The following CDC42EP1 variants were observed in gnomAD, a reference collection of about 807,000 sequenced individuals.
The protein encoded by CDC42EP1 is CDC42 effector protein 1, also known as 55 kDa bone marrow stromal/endothelial cell protein.
Under a neutral mutation model 7.4 loss-of-function variants are expected in CDC42EP1, and 6 were observed. The observed-to-expected ratio is 0.81, with a 90% CI of 0.44 to 1.60. CDC42EP1 has a LOEUF of 1.60. CDC42EP1 is among the 40% of genes most tolerant of loss of function. The pLI, the probability that CDC42EP1 is intolerant of heterozygous loss-of-function variation, is 0.01. For synonymous variants in CDC42EP1, 238 were observed against 227.1 expected (o/e 1.05, Z -0.43); for missense variants, 567 against 539.0 (o/e 1.05, Z -0.51).
intron 2 of CDC42EP1, among the ~76,000 whole-genome samples, chr22:37,567,495 G>A (rs1601455549): frequency 6.6e-6 from 1 of 152,118 alleles, no homozygotes; most frequent in East Asian, 1.9e-4. Flanking sequence ...GCCACCTGGT[G>A]GCCACTCCCT....
At position 37,566,416 on chromosome 22, in the gene CDC42EP1, T is replaced by C. The variant is rs1381926132; in HGVS notation, c.67T>C (p.Trp23Arg). 6.2e-7 allele frequency: 1 copy of C among 1,604,888 alleles called. No homozygotes were observed. Among genetic ancestry groups the C allele is most frequent in the Non-Finnish European group, 8.5e-7 (1 of 1,175,548 alleles). The change falls in exon 2 of 3, where the codon TGG becomes CGG. Residue 23 changes from tryptophan (W) to arginine (R), a missense_variant. Physicochemically the swap from Trp to Arg is moderately radical, Grantham distance 101 (BLOSUM62 -3). Coordinates refer to ENST00000249014, the MANE Select transcript of CDC42EP1 (RefSeq NM_152243.3). The surrounding 1 kb of genome is among the most constrained non-coding windows in gnomAD (Gnocchi z 6.4). ...CCTGGGCAAGCTCTCGCCTGTGGGC[T>C]GGGTGTCCAGTTCACAGGGAAAGAG... ...MSLGKLSPVG[W>R]VSSSQGKRRL...
intron 1 of CDC42EP1, among the ~76,000 whole-genome samples, chr22:37,560,903 T>A (rs1176875958): frequency 6.7e-6 from 1 of 149,782 alleles, no homozygotes; most frequent in Non-Finnish European, 1.5e-5. Flanking sequence ...CTCCGCGCCT[T>A]CCTGCGCGGG....
In CDC42EP1 at chr22:37,568,259, A is replaced by T. The variant is rs1267901236; in HGVS notation, c.615A>T (p.Ser205=). The T allele has an allele frequency of 6.2e-7, 1 of 1,612,194 alleles. No individual in the cohort carries two copies. Among genetic ancestry groups the T allele is most frequent in the African/African-American group, 1.3e-5 (1 of 74,442 alleles). Reference sequence around the variant, plus strand: ...GCCTGGACCTCGACCTTGGGCCCTCACTCCTCAGCGAGCTGCTAGGGGTCA... The same window carrying T: ...GCCTGGACCTCGACCTTGGGCCCTCTCTCCTCAGCGAGCTGCTAGGGGTCA... ...SFRLDLDLGP[S]LLSELLGVMS... Residue 205 remains serine (S), a synonymous_variant, in exon 3 of 3, where the codon TCA becomes TCT. Coordinates refer to ENST00000249014, the MANE Select transcript of CDC42EP1 (RefSeq NM_152243.3).
Position 37,566,823 on chromosome 22 carries a change from G to A in CDC42EP1, c.463+11G>A. Reference sequence around the variant, plus strand: ...GCCACTCCAGCTACGGTGAGGGCCTGGGCCATCTTGGCCCACTTTTCAGAG... The same window carrying A: ...GCCACTCCAGCTACGGTGAGGGCCTAGGCCATCTTGGCCCACTTTTCAGAG... On this transcript the variant is annotated intron_variant, in intron 2 of 2. Transcript: ENST00000249014. This position sits in a 1 kb window ranked among gnomAD's most constrained non-coding sequence, Gnocchi z 6.4. The A allele has an allele frequency of 4.6e-6, 7 of 1,531,436 alleles. No homozygotes were observed. The highest frequency in any genetic ancestry group is 6.1e-6 in the Non-Finnish European group (7 of 1,141,010). The allele number at this position is 1,531,436 out of a possible 1,614,324, so 94.9% of individuals were successfully genotyped here.
rs1925242559 is a variant in CDC42EP1, at chr22:37,566,442, G to A, written c.93G>A (p.Arg31=). ...GGGTGTCCAGTTCACAGGGAAAGAG[G>A]CGGCTGACTGCAGACATGATCAGCC... is the stretch of plus-strand genomic sequence containing the variant. ...VGWVSSSQGK[R]RLTADMISHP... The change falls in exon 2 of 3, where the codon AGG becomes AGA. Residue 31 remains arginine (R), a synonymous_variant. Transcript: ENST00000249014. The surrounding 1 kb of genome is among the most constrained non-coding windows in gnomAD (Gnocchi z 6.4). The A allele has an allele frequency of 1.9e-6, 3 of 1,611,058 alleles. No homozygotes were observed. Among genetic ancestry groups the A allele is most frequent in the Non-Finnish European group, 2.5e-6 (3 of 1,178,820 alleles).
Position 37,566,287 on chromosome 22 carries a change from A to G in CDC42EP1, c.-63A>G. On this transcript the variant is annotated 5_prime_UTR_variant, in exon 2 of 3. Coordinates refer to ENST00000249014, the MANE Select transcript of CDC42EP1 (RefSeq NM_152243.3). The surrounding 1 kb of genome is among the most constrained non-coding windows in gnomAD (Gnocchi z 6.4). The stretch of plus-strand genomic sequence containing the variant: ...GGAGCTGAGCAGCCATCCCAAGCCC[A>G]GCCCACCTCCCTCCCCCGGCCCCTG... The G allele has an allele frequency of 1.4e-6, 1 of 734,714 alleles. No individual in the cohort carries two copies. 45.5% of individuals were successfully genotyped at this position (734,714 alleles called of 1,614,324 possible).
In CDC42EP1 at chr22:37,568,995, T is replaced by G; in HGVS notation, c.*175T>G. 2.3e-6 allele frequency: 1 copy of G among 436,876 alleles called. No individual in the cohort carries two copies. Among genetic ancestry groups the G allele is most frequent in the Non-Finnish European group, 3.9e-6 (1 of 253,194 alleles). 27.1% of individuals were successfully genotyped at this position (436,876 alleles called of 1,614,324 possible). On this transcript the variant is annotated 3_prime_UTR_variant, in exon 3 of 3. Transcript: ENST00000249014. Reference sequence around the variant, plus strand: ...GGAAGGCCAGGCTTGCTCTGGGACTTTTATGCTCCCAGAGGCCCTGCCAAA... The same window carrying G: ...GGAAGGCCAGGCTTGCTCTGGGACTGTTATGCTCCCAGAGGCCCTGCCAAA...
Position 37,569,157 on chromosome 22 carries a change from G to A in CDC42EP1, c.*337G>A, listed in dbSNP as rs1274957294. 1.9e-5 allele frequency: 4 copies of A among 205,840 alleles called. No individual in the cohort carries two copies. The highest frequency in any genetic ancestry group is 3.9e-5 in the Non-Finnish European group (4 of 103,712). 12.8% of individuals were successfully genotyped at this position (205,840 alleles called of 1,614,324 possible). On this transcript the variant is annotated 3_prime_UTR_variant, in exon 3 of 3. Transcript: ENST00000249014. ...AGACCAAGCGGCCCGTGGGGGGTGG[G>A]GGGCAGGGAGTGTACCACACAGGGC...
intron 1 of CDC42EP1, among the ~76,000 whole-genome samples, 176 bp downstream of exon 1, chr22:37,560,764 G>A (rs2145805599): frequency 6.6e-6 from 1 of 152,020 alleles, no homozygotes; most frequent in East Asian, 2.0e-4. Context: ...GCGGAGCCGC[G>A]CGAGGAAACT....
Position 37,568,137 on chromosome 22 carries a change from C to T in CDC42EP1, c.493C>T (p.Arg165Cys), listed in dbSNP as rs1257159070. 7 of 1,613,756 alleles carry T rather than the reference C, an allele frequency of 4.3e-6. No individual in the cohort carries two copies. In the East Asian group the frequency reaches 6.7e-5, roughly 15 times the overall value. ...GLDSGFCTISRLPRSEKPHDR... is the reference protein window; with the variant it reads ...GLDSGFCTISCLPRSEKPHDR... ...GGACTCTGGGTTCTGCACCATCTCCCGCCTGCCCCGCTCGGAAAAGCCGCA... is the reference window on the plus strand; with the variant it reads ...GGACTCTGGGTTCTGCACCATCTCCTGCCTGCCCCGCTCGGAAAAGCCGCA... The change falls in exon 3 of 3, where the codon CGC becomes TGC. Residue 165 changes from arginine (R) to cysteine (C), a missense_variant. Arg to Cys is a radical substitution (Grantham distance 180). Coordinates refer to ENST00000249014, the MANE Select transcript of CDC42EP1 (RefSeq NM_152243.3).
chr22:37,568,586 C>G lies in CDC42EP1; in HGVS notation c.942C>G (p.Gly314=). ...GAGGGGGTCCCCGAGGACCTGCTGG[C>G]CCTGCCCTCGGCAGGCACTGGGGAG... The part of the protein sequence containing the change: ...PVGGGPRGPA[G]PALGRHWGAG... The change falls in exon 3 of 3, where the codon GGC becomes GGG. Residue 314 remains glycine, a synonymous_variant. Transcript: ENST00000249014. 6.2e-7 allele frequency: 1 copy of G among 1,600,988 alleles called. No individual in the cohort carries two copies. Among genetic ancestry groups the G allele is most frequent in the Non-Finnish European group, 8.5e-7 (1 of 1,174,266 alleles).
At chr22:37,562,059 C>T (rs1413426602) in intron 1 of CDC42EP1, among the ~76,000 whole-genome samples, 1 of 152,216 alleles carries the variant, frequency 6.6e-6, no homozygotes, top group African/African-American at 2.4e-5. Context: ...GCCCAGGTCA[C>T]AGGCAGTGAA....
chr22:37,566,233 G>A lies in CDC42EP1; in HGVS notation c.-117G>A. On this transcript the variant is annotated 5_prime_UTR_variant, in exon 2 of 3. The change creates a new upstream start codon in the 5' untranslated region. Transcript: ENST00000249014. This position sits in a 1 kb window ranked among gnomAD's most constrained non-coding sequence, Gnocchi z 6.4. The stretch of plus-strand genomic sequence containing the variant: ...CATTTGGGGACCTCACCTTAGGAGA[G>A]TGCCATTTACAGCTTCCGCCAGGGC... 1.6e-6 allele frequency: 1 copy of A among 620,946 alleles called. No homozygotes were observed. The highest frequency in any genetic ancestry group is 2.8e-6 in the Non-Finnish European group (1 of 362,882). The allele number at this position is 620,946 out of a possible 1,614,324, so 38.5% of individuals were successfully genotyped here.
At position 37,568,282 on chromosome 22, in the gene CDC42EP1, T is replaced by C. The variant is rs1280422494; in HGVS notation, c.638T>C (p.Val213Ala). Residue 213 changes from valine to alanine, a missense_variant, in exon 3 of 3, where the codon GTC (valine) becomes GCC (alanine). Physicochemically the swap from Val to Ala is moderately conservative, Grantham distance 64 (BLOSUM62 0). Transcript: ENST00000249014. ...TCACTCCTCAGCGAGCTGCTAGGGG[T>C]CATGAGCCTCCCAGAAGCCCCTGCA... The part of the protein sequence containing the change: ...GPSLLSELLG[V>A]MSLPEAPAAE... 6.2e-7 allele frequency: 1 copy of C among 1,612,878 alleles called. No homozygotes were observed. Among genetic ancestry groups the C allele is most frequent in the Non-Finnish European group, 8.5e-7 (1 of 1,179,900 alleles).
At chr22:37,564,063 G>A (rs577543433) in intron 1 of CDC42EP1, among the ~76,000 whole-genome samples, 99 of 152,338 alleles carry the variant, frequency 6.5e-4, no homozygotes, top group Non-Finnish European at 1.2e-3. Context: ...GTGAGTCAGA[G>A]GCTCTGAGTT....
Position 37,568,376 on chromosome 22 carries a change from CCCCCCAGCCACTACTGCAAA to C in CDC42EP1, c.738_757del (p.Ala247SerfsTer46), listed in dbSNP as rs1925335469. On this transcript the variant is annotated frameshift_variant, in exon 3 of 3. Coordinates refer to ENST00000249014, the MANE Select transcript of CDC42EP1 (RefSeq NM_152243.3). LOFTEE classifies it low-confidence loss of function (END_TRUNC). ...CAAACCCCACGGGTCCTGCTGCAAA[CCCCCCAGCCACTACTGCAAA>C]CCCCCCAGCGCCTGCTGCAAACCCC... The C allele has an allele frequency of 6.9e-7, 1 of 1,442,398 alleles. No homozygotes were observed. The highest frequency in any genetic ancestry group is 9.6e-7 in the Non-Finnish European group (1 of 1,042,824). 89.3% of individuals were successfully genotyped at this position (1,442,398 alleles called of 1,614,324 possible).
At chr22:37,564,158 G>T (rs144833673) in intron 1 of CDC42EP1, among the ~76,000 whole-genome samples, 1 of 152,032 alleles carries the variant, frequency 6.6e-6, no homozygotes, top group Non-Finnish European at 1.5e-5. Flanking sequence ...TCACAGGTGC[G>T]CTCTAGCCTG....
At position 37,568,330 on chromosome 22, in the gene CDC42EP1, CA is replaced by C. The variant is rs758136839; in HGVS notation, c.689del (p.Asn230ThrfsTer61). 6.2e-7 allele frequency: 1 copy of C among 1,607,246 alleles called. No homozygotes were observed. The highest frequency in any genetic ancestry group is 1.1e-5 in the South Asian group (1 of 90,918). ...APAAETPAPA[A>X]NPPAPTANPT... ...GCAGCTGAGACTCCAGCCCCCGCTGCAAACCCCCCAGCCCCTACTGCAAACC... is the reference window on the plus strand; with the variant it reads ...GCAGCTGAGACTCCAGCCCCCGCTGCAACCCCCCAGCCCCTACTGCAAACC... On this transcript the variant is annotated frameshift_variant, in exon 3 of 3. Transcript: ENST00000249014. LOFTEE classifies it low-confidence loss of function (END_TRUNC).
At chr22:37,565,407 AGAATGAG>A (rs962674100) in intron 1 of CDC42EP1, among the ~76,000 whole-genome samples, 15 of 151,958 alleles carry the variant, frequency 9.9e-5, no homozygotes, top group African/African-American at 3.6e-4. Flanking sequence ...GCTCAGACTT[AGAATGAG>A]TGAATGAGTG....
Sources: allele counts gnomAD v4.1 joint callset (sites outside exome capture counted in the v4.1 genomes callset), GRCh38; gene constraint gnomAD v4.1.1; non-coding constraint Gnocchi (gnomAD v3.1); transcripts MANE v1.5; gene names NCBI Gene and HGNC (gene_info 2026-07-23, HGNC 2026-07-21).